KCNIP4: variants seen among roughly 807,000 people sequenced by gnomAD.
The protein encoded by KCNIP4 is potassium voltage-gated channel interacting protein 4.
KCNIP4 carries 12 observed loss-of-function variants against 34.0 expected under a neutral mutation model. The observed-to-expected ratio is 0.35, with a 90% CI of 0.23 to 0.57. KCNIP4 has a LOEUF of 0.57. Ranked by LOEUF, KCNIP4 falls within the 20% of genes least tolerant of loss-of-function variation. The pLI is 0.83. For missense variants in KCNIP4, 238 were observed against 311.7 expected (o/e 0.76, Z 1.78); for synonymous variants, 124 against 102.2 (o/e 1.21, Z -1.29).
chr4:21,886,563 G>T (rs1726776729), intron 1 of KCNIP4, among the ~76,000 whole-genome samples: 2 of 152,106 alleles, frequency 1.3e-5, no homozygotes, highest in South Asian at 2.1e-4. Flanking sequence ...CCCACAGGGG[G>T]TGAGAGACAG....
At chr4:21,325,848 A>G (rs1379077888) in intron 1 of KCNIP4, among the ~76,000 whole-genome samples, 1 of 151,828 alleles carries the variant, frequency 6.6e-6, no homozygotes, top group Non-Finnish European at 1.5e-5. Context: ...TAATTTCTTT[A>G]TTGACACACT....
At chr4:21,845,198 TA>T (rs1462240598) in intron 1 of KCNIP4, 1 of 152,076 alleles carries the variant, frequency 6.6e-6, no homozygotes, top group African/African-American at 2.4e-5. Context: ...ATTGCTTCTG[TA>T]AAGGACCAGT....
At chr4:21,015,879 A>T (rs1406174647) in intron 1 of KCNIP4, among the ~76,000 whole-genome samples, 1 of 141,714 alleles carries the variant, frequency 7.1e-6, no homozygotes, top group African/African-American at 2.6e-5. Flanking sequence ...AAAATATATA[A>T]ATATATACAA....
chr4:21,401,152 G>A (rs114457781), intron 1 of KCNIP4, among the ~76,000 whole-genome samples: 1 of 151,956 alleles, frequency 6.6e-6, no homozygotes, highest in South Asian at 2.1e-4. Context: ...AATCAATGAG[G>A]TTGACTCTAG....
At chr4:21,571,968 G>A (rs1408114074) in intron 1 of KCNIP4, among the ~76,000 whole-genome samples, 1 of 152,138 alleles carries the variant, frequency 6.6e-6, no homozygotes, top group Non-Finnish European at 1.5e-5. Context: ...TCTTAGAGAT[G>A]TAAAGTAACT....
chr4:21,402,725 A>G (rs1241353430), intron 1 of KCNIP4, among the ~76,000 whole-genome samples: 3 of 151,922 alleles, frequency 2.0e-5, no homozygotes, highest in African/African-American at 7.2e-5. Flanking sequence ...TAGATGCACA[A>G]CCAGGATCTG....
At chr4:20,980,379 T>C (rs956100811) in intron 1 of KCNIP4, among the ~76,000 whole-genome samples, 1 of 152,230 alleles carries the variant, frequency 6.6e-6, no homozygotes, top group African/African-American at 2.4e-5. Context: ...AATAAGTGGA[T>C]ATGTGCAAAA....
chr4:21,788,933 C>G (rs965320158), intron 1 of KCNIP4, among the ~76,000 whole-genome samples: 1 of 151,830 alleles, frequency 6.6e-6, no homozygotes, highest in African/African-American at 2.4e-5. Flanking sequence ...ATTAGCCAGG[C>G]GTGGCGGCGC....
At chr4:21,107,185 G>A (rs1748633400) in intron 1 of KCNIP4, among the ~76,000 whole-genome samples, 1 of 147,066 alleles carries the variant, frequency 6.8e-6, no homozygotes, top group Non-Finnish European at 1.5e-5. Flanking sequence ...TCTGTCTAAT[G>A]TTGACAGTGG....
chr4:21,822,850 T>G (rs1722442624), intron 1 of KCNIP4, among the ~76,000 whole-genome samples: 2 of 151,964 alleles, frequency 1.3e-5, no homozygotes, highest in African/African-American at 4.8e-5. Flanking sequence ...TCTGAGTAGC[T>G]AGGATTACAG....
At chr4:21,535,428 T>C (rs1221478574) in intron 1 of KCNIP4, among the ~76,000 whole-genome samples, 2 of 152,138 alleles carry the variant, frequency 1.3e-5, no homozygotes, top group Non-Finnish European at 2.9e-5. Context: ...AGACTCAAGG[T>C]CTACCATCTC....
At chr4:21,927,861 G>A (rs959783466) in intron 1 of KCNIP4, among the ~76,000 whole-genome samples, 1 of 151,920 alleles carries the variant, frequency 6.6e-6, no homozygotes, top group African/African-American at 2.4e-5. Flanking sequence ...CTCAGTCCCT[G>A]TATTTGTGGA....
chr4:20,876,756 TAG>T (rs1009288366), intron 2 of KCNIP4, among the ~76,000 whole-genome samples: 3 of 152,124 alleles, frequency 2.0e-5, no homozygotes, highest in African/African-American at 7.2e-5. Context: ...GTATTTTTAG[TAG>T]AGACAGGGTT....
intron 1 of KCNIP4, among the ~76,000 whole-genome samples, chr4:20,946,573 T>C (rs1043633008): frequency 1.3e-5 from 2 of 152,184 alleles, no homozygotes; most frequent in African/African-American, 4.8e-5. Context: ...ATTGGAATCT[T>C]GGAATCTCAG....
At chr4:21,784,144 G>A (rs1411120198) in intron 1 of KCNIP4, among the ~76,000 whole-genome samples, 1 of 151,526 alleles carries the variant, frequency 6.6e-6, no homozygotes, top group Non-Finnish European at 1.5e-5. Flanking sequence ...GGTGGGGGGT[G>A]GGGTCGAAGT....
At chr4:21,931,890 C>T (rs1729590303) in intron 1 of KCNIP4, among the ~76,000 whole-genome samples, 1 of 152,086 alleles carries the variant, frequency 6.6e-6, no homozygotes, top group African/African-American at 2.4e-5. Flanking sequence ...TTTACAGTCC[C>T]ACCAACAGTG....
intron 1 of KCNIP4, among the ~76,000 whole-genome samples, chr4:21,449,752 G>C (rs73249588): frequency 0.21 from 32,413 of 151,486 alleles, 4,441 homozygotes; most frequent in Non-Finnish European, 0.3. Context: ...TTTCACTGCT[G>C]TATCCCTGGT....
intron 1 of KCNIP4, among the ~76,000 whole-genome samples, chr4:20,986,759 A>G (rs1261940544): frequency 6.6e-6 from 1 of 152,212 alleles, no homozygotes; most frequent in East Asian, 1.9e-4. Flanking sequence ...CTCATTTTCC[A>G]GGATTGAAAT....
Position 20,797,615 on chromosome 4 carries a change from A to G in KCNIP4, c.289-38725T>C, listed in dbSNP as rs145374529. On this transcript the variant is annotated intron_variant, in intron 3 of 8. Coordinates refer to ENST00000382152, the MANE Select transcript of KCNIP4 (RefSeq NM_025221.6). ...GAGACCTTTAAAAGTAGAGCATTTT[A>G]TCTGGCTGACTGAAGAAGAGGAAAC... Among the ~76,000 whole-genome samples the G allele has an allele frequency of 1.1e-3, 162 of 152,348 alleles. 1 individual carries two copies. The highest frequency in any genetic ancestry group is 3.8e-3 in the African/African-American group (156 of 41,590).
Sources: gnomAD v4.1 joint callset for allele counts (sites outside exome capture counted in the v4.1 genomes callset) on GRCh38, gnomAD v4.1.1 for gene constraint, MANE v1.5 for transcripts, NCBI Gene and HGNC (gene_info 2026-07-23, HGNC 2026-07-21) for gene names.